The following RPS6KA1 variants were observed in gnomAD, a reference collection of about 807,000 sequenced individuals.
RPS6KA1 encodes the protein ribosomal protein S6 kinase alpha-1.
A neutral mutation model predicts 91.3 loss-of-function variants in RPS6KA1; 48 were observed. The observed-to-expected ratio is 0.53, with a 90% CI of 0.42 to 0.67. The LOEUF is 0.67. RPS6KA1 is among the 30% of genes least tolerant of loss of function. The probability of loss-of-function intolerance (pLI) is 0.00; values close to 1 mark genes in which losing one functional copy is unlikely to be tolerated. For synonymous variants in RPS6KA1, 359 were observed against 384.7 expected, an observed-to-expected ratio of 0.93 and a Z score of 0.78; for missense variants, 719 against 960.5, an observed-to-expected ratio of 0.75 and a Z score of 3.32.
Position 26,558,989 on chromosome 1 carries a change from G to C in RPS6KA1, c.1215+52G>C. 6.3e-7 allele frequency: 1 copy of C among 1,580,638 alleles called. No individual in the cohort carries two copies. The highest frequency in any genetic ancestry group is 8.6e-7 in the Non-Finnish European group (1 of 1,156,288). On this transcript the variant is annotated intron_variant, in intron 14 of 21. Coordinates refer to ENST00000374168, the MANE Select transcript of RPS6KA1 (RefSeq NM_002953.4). The surrounding 1 kb of genome is among the most constrained non-coding windows in gnomAD (Gnocchi z 4.0). The stretch of plus-strand genomic sequence containing the variant: ...CATTATCCTTTTCTAAAGAATGGCT[G>C]AGTACACAGGCTCTGAGTTGGACAG...
chr1:26,533,470 C>A (rs2075882998), intron 1 of RPS6KA1, among the ~76,000 whole-genome samples: 2 of 151,962 alleles, frequency 1.3e-5, no homozygotes, highest in African/African-American at 4.8e-5. Context: ...CTTTGGGAGC[C>A]TGAGGCGGGT....
Position 26,557,568 on chromosome 1 carries a change from G to A in RPS6KA1, c.1084+468G>A, listed in dbSNP as rs1009176815. On this transcript the variant is annotated intron_variant, in intron 13 of 21. Coordinates refer to ENST00000374168, the MANE Select transcript of RPS6KA1 (RefSeq NM_002953.4). The stretch of plus-strand genomic sequence containing the variant: ...CTGCCCGGCCTCCGTGTACTTATCT[G>A]GAACAAGGGCACAGCCACAAACCCA... 3.3e-5 allele frequency among the ~76,000 whole-genome samples: 5 copies of A among 152,238 alleles called. No homozygotes were observed. In the South Asian group the frequency reaches 1.0e-3, roughly 32 times the overall value.
At chr1:26,548,870 T>C (rs918699074) in intron 4 of RPS6KA1, among the ~76,000 whole-genome samples, 3 of 151,026 alleles carry the variant, frequency 2.0e-5, no homozygotes, top group Non-Finnish European at 4.4e-5. Context: ...GTCCTTGTCA[T>C]GTCTAATGAG....
At chr1:26,530,294 C>T (rs2075858793) in intron 1 of RPS6KA1, among the ~76,000 whole-genome samples, 1 of 152,244 alleles carries the variant, frequency 6.6e-6, no homozygotes, top group South Asian at 2.1e-4. Flanking sequence ...GTCGGAGCTT[C>T]CTCCATTAAT....
intron 1 of RPS6KA1, 120 bp downstream of exon 1, chr1:26,530,103 C>G: frequency 3.7e-6 from 2 of 535,280 alleles, no homozygotes; most frequent in Non-Finnish European, 5.5e-6. Context: ...CGAGTGCCCT[C>G]CGATCTCTTG....
chr1:26,550,869 AT>A (rs2076043800), intron 4 of RPS6KA1, among the ~76,000 whole-genome samples: 1 of 152,200 alleles, frequency 6.6e-6, no homozygotes, highest in Non-Finnish European at 1.5e-5. Flanking sequence ...ATTTAAAAAA[AT>A]AAATAAATAA....
At chr1:26,550,346 T>A (rs2124634640) in intron 4 of RPS6KA1, among the ~76,000 whole-genome samples, 1 of 151,862 alleles carries the variant, frequency 6.6e-6, no homozygotes, top group Middle Eastern at 3.4e-3. Flanking sequence ...CCAGGCTGGC[T>A]AATTTTTTGT....
rs750931090 is a variant in RPS6KA1, at chr1:26,536,935, C to T, written c.74C>T (p.Thr25Ile). The change falls in exon 2 of 22, where the codon ACC (threonine) becomes ATC (isoleucine). Residue 25 changes from threonine to isoleucine, a missense_variant. By Grantham distance (89) the Thr-to-Ile change is moderately conservative. Around this residue, in one of 5 missense-constraint regions of RPS6KA1, gnomAD observed 57 missense variants for 55.8 expected, o/e 1.02. Transcript: ENST00000374168. ...CTTTCTCTTTTCCAGAATGGACAGACCTCAGGGGAAGAAGCTGGACTTCAG... is the reference window on the plus strand; with the variant it reads ...CTTTCTCTTTTCCAGAATGGACAGATCTCAGGGGAAGAAGCTGGACTTCAG... ...LVPLDPENGQ[T>I]SGEEAGLQPS... 1 of 1,614,158 alleles carries T rather than the reference C, an allele frequency of 6.2e-7. No homozygotes were observed.
rs1298432552 is a variant in RPS6KA1, at chr1:26,554,159, C to T, written c.576-55C>T. The T allele has an allele frequency of 2.6e-6, 4 of 1,530,032 alleles. No homozygotes were observed. The highest frequency in any genetic ancestry group is 2.8e-5 in the African/African-American group (2 of 72,698). The allele number at this position is 1,530,032 out of a possible 1,614,324, so 94.8% of individuals were successfully genotyped here. On this transcript the variant is annotated intron_variant, in intron 7 of 21. Coordinates refer to ENST00000374168, the MANE Select transcript of RPS6KA1 (RefSeq NM_002953.4). This position sits in a 1 kb window ranked among gnomAD's most constrained non-coding sequence, Gnocchi z 4.6. Reference sequence around the variant, plus strand: ...CAACTCCCACAGCCCTGTGGTAACACCATCACCCACACGGCCACAGCTGAG... The same window carrying T: ...CAACTCCCACAGCCCTGTGGTAACATCATCACCCACACGGCCACAGCTGAG...
chr1:26,565,842 G>C (rs534769181), intron 17 of RPS6KA1, among the ~76,000 whole-genome samples: 2 of 152,184 alleles, frequency 1.3e-5, no homozygotes, highest in African/African-American at 4.8e-5. Context: ...GATTACAGGC[G>C]CGGCCCCGTT....
chr1:26,566,927 C>T (rs2076207596), intron 17 of RPS6KA1, among the ~76,000 whole-genome samples: 1 of 152,210 alleles, frequency 6.6e-6, no homozygotes, highest in Non-Finnish European at 1.5e-5. Flanking sequence ...TCACGCTGCT[C>T]CTGAAGATGC....
chr1:26,545,706 G>T (rs542160914), intron 2 of RPS6KA1: 6 of 747,598 alleles, frequency 8.0e-6, no homozygotes, highest in Admixed American at 4.0e-5. Flanking sequence ...TCTGAGGAGA[G>T]GGGGAGAGAG....
chr1:26,555,130 A>G lies in RPS6KA1; in HGVS notation c.757-21A>G, dbSNP rs1410270724. The G allele has an allele frequency of 3.1e-6, 5 of 1,612,358 alleles. No individual in the cohort carries two copies. The South Asian group carries it at 4.4e-5, about 14-fold the overall frequency. On this transcript the variant is annotated intron_variant, in intron 9 of 21. Transcript: ENST00000374168. This position sits in a 1 kb window ranked among gnomAD's most constrained non-coding sequence, Gnocchi z 4.3. ...GTCGGAGACAGGGATCAGAGCCTGA[A>G]TAGATCCTTGTCCTCTGCAGTTTGA...
intron 11 of RPS6KA1, chr1:26,556,164 G>A (rs2076099636): frequency 1.5e-5 from 3 of 204,518 alleles, no homozygotes; most frequent in African/African-American, 6.9e-5. Context: ...CCGGCATGTA[G>A]TAGGTGTCCA....
intron 1 of RPS6KA1, among the ~76,000 whole-genome samples, chr1:26,531,932 G>GT (rs1256107031): frequency 1.1e-4 from 16 of 152,156 alleles, no homozygotes; most frequent in African/African-American, 3.9e-4. Context: ...TGTTCTCACT[G>GT]GAGAACAGGG....
At chr1:26,566,608 T>C (rs893874390) in intron 17 of RPS6KA1, among the ~76,000 whole-genome samples, 2 of 152,052 alleles carry the variant, frequency 1.3e-5, no homozygotes, top group Non-Finnish European at 2.9e-5. Flanking sequence ...TAATTTGCAT[T>C]TTTCTGATGT....
chr1:26,541,024 A>G (rs2075942850), intron 2 of RPS6KA1, among the ~76,000 whole-genome samples: 1 of 152,152 alleles, frequency 6.6e-6, no homozygotes, highest in African/African-American at 2.4e-5. Context: ...TCCCGACCTC[A>G]GGTGATCCGC....
rs2124676942 is a variant in RPS6KA1, at chr1:26,574,336, AC to A, written c.*139del. 1 of 1,060,416 alleles carries A rather than the reference AC, an allele frequency of 9.4e-7. No homozygotes were observed. 65.7% of individuals were successfully genotyped at this position (1,060,416 alleles called of 1,614,324 possible). Reference sequence around the variant, plus strand: ...GCCGGGGAAGCTGCCAGCCCAGAACACCCCTAATGAGGGTGTGAGAAGTGCC... The same window carrying A: ...GCCGGGGAAGCTGCCAGCCCAGAACACCCTAATGAGGGTGTGAGAAGTGCC... On this transcript the variant is annotated 3_prime_UTR_variant, in exon 22 of 22. Transcript: ENST00000374168. This position sits in a 1 kb window ranked among gnomAD's most constrained non-coding sequence, Gnocchi z 4.3.
At chr1:26,567,505 C>T (rs1384100547) in intron 17 of RPS6KA1, among the ~76,000 whole-genome samples, 2 of 152,118 alleles carry the variant, frequency 1.3e-5, no homozygotes, top group African/African-American at 4.8e-5. Flanking sequence ...CTCAGCCTCC[C>T]GAGTAGCTGG....
Sources: allele counts gnomAD v4.1 joint callset (sites outside exome capture counted in the v4.1 genomes callset), GRCh38; gene constraint gnomAD v4.1.1; regional missense constraint gnomAD v4.1.1; non-coding constraint Gnocchi (gnomAD v3.1); transcripts MANE v1.5; gene names NCBI Gene and HGNC (gene_info 2026-07-23, HGNC 2026-07-21).